WNK1: variants seen among roughly 807,000 people sequenced by gnomAD.
WNK1 encodes WNK lysine deficient protein kinase 1.
WNK1 carries 38 observed loss-of-function variants against 222.8 expected under a neutral mutation model. The ratio of observed to expected loss-of-function variants is 0.17; its 90% CI spans 0.13 to 0.22. The LOEUF (loss-of-function observed/expected upper bound fraction) is 0.22, where lower values mean the gene tolerates loss of function less well. Ranked by LOEUF, WNK1 falls within the 10% of genes least tolerant of loss-of-function variation. WNK1 has a pLI of 1.00. For synonymous variants in WNK1, 1,090 were observed against 1,092.9 expected (o/e 1.00, Z 0.05); for missense variants, 2,348 against 2,918.4 (o/e 0.80, Z 4.50).
At chr12:798,713 A>G (rs1259454304) in intron 1 of WNK1, among the ~76,000 whole-genome samples, 2 of 152,172 alleles carry the variant, frequency 1.3e-5, no homozygotes, top group African/African-American at 2.4e-5. Flanking sequence ...GTAAGAAAAT[A>G]TGCATGTATA....
At chr12:814,567 A>G (rs753061178) in intron 2 of WNK1, among the ~76,000 whole-genome samples, 3 of 152,192 alleles carry the variant, frequency 2.0e-5, no homozygotes, top group Admixed American at 6.5e-5. Context: ...TAGATCTATC[A>G]TTCCTTTCAC....
At chr12:830,188 A>G (rs1455164283) in intron 4 of WNK1, 28 bp downstream of exon 4, 1 of 1,613,016 alleles carries the variant, frequency 6.2e-7, no homozygotes, top group South Asian at 1.1e-5. Flanking sequence ...TGATTGTTGA[A>G]CTTGGGGCAT....
Position 887,266 on chromosome 12 carries a change from G to A in WNK1, c.5326G>A (p.Glu1776Lys), listed in dbSNP as rs551435012. The A allele has an allele frequency of 4.3e-5, 70 of 1,614,160 alleles. No homozygotes were observed. The highest frequency in any genetic ancestry group is 3.3e-4 in the Middle Eastern group (2 of 6,062). ...TELPAGTLPS[E>K]QLPPFPGPSL... ...ACTTCCAGCAGGTACTCTACCCAGCGAGCAGCTGCCACCTTTTCCAGGACC... is the reference window on the plus strand; with the variant it reads ...ACTTCCAGCAGGTACTCTACCCAGCAAGCAGCTGCCACCTTTTCCAGGACC... The change falls in exon 20 of 28, where the codon GAG (glutamate) becomes AAG (lysine). Residue 1776 changes from glutamate (E) to lysine (K), a missense_variant. Coordinates refer to ENST00000315939, the MANE Select transcript of WNK1 (RefSeq NM_018979.4).
intron 9 of WNK1, among the ~76,000 whole-genome samples, chr12:874,149 C>G (rs1324204992): frequency 6.6e-6 from 1 of 150,776 alleles, no homozygotes; most frequent in Non-Finnish European, 1.5e-5. Flanking sequence ...GAGCATGACT[C>G]ATCTCAAAAA....
At chr12:904,164 A>G (rs527682560) in intron 26 of WNK1, among the ~76,000 whole-genome samples, 25 of 152,354 alleles carry the variant, frequency 1.6e-4, no homozygotes, top group African/African-American at 5.8e-4. Context: ...TTCCTCGCCA[A>G]TTCCAGAACC....
chr12:843,114 T>G (rs1949755939), intron 4 of WNK1, among the ~76,000 whole-genome samples: 1 of 152,140 alleles, frequency 6.6e-6, no homozygotes, highest in Non-Finnish European at 1.5e-5. Context: ...TTTTGTATTT[T>G]TAGTTAAAAC....
intron 2 of WNK1, among the ~76,000 whole-genome samples, chr12:821,927 T>C (rs1015443141): frequency 6.6e-6 from 1 of 152,080 alleles, no homozygotes; most frequent in Admixed American, 6.6e-5. Flanking sequence ...CTTGGATCTA[T>C]AATGAGTCTC....
chr12:844,869 C>T (rs1949904638), intron 4 of WNK1, among the ~76,000 whole-genome samples: 1 of 149,194 alleles, frequency 6.7e-6, no homozygotes. Flanking sequence ...TTGAAATAGG[C>T]CTTGAAATAT....
At chr12:807,112 G>A (rs1368491196) in intron 1 of WNK1, among the ~76,000 whole-genome samples, 2 of 151,920 alleles carry the variant, frequency 1.3e-5, no homozygotes, top group East Asian at 3.9e-4. Flanking sequence ...GACCCTTGTG[G>A]CGGGGTGGGG....
intron 1 of WNK1, among the ~76,000 whole-genome samples, chr12:789,398 A>G (rs1944628438): frequency 6.6e-6 from 1 of 152,202 alleles, no homozygotes; most frequent in Non-Finnish European, 1.5e-5. Context: ...TTAGCATAGT[A>G]TGGTAGTATA....
chr12:876,395 C>T (rs984945007), intron 9 of WNK1, among the ~76,000 whole-genome samples: 4 of 151,750 alleles, frequency 2.6e-5, no homozygotes, highest in East Asian at 3.8e-4. Context: ...GGCAACGGAG[C>T]GAGACTCCGT....
chr12:817,643 A>T (rs1384379090), intron 2 of WNK1, among the ~76,000 whole-genome samples: 1 of 152,182 alleles, frequency 6.6e-6, no homozygotes, highest in African/African-American at 2.4e-5. Context: ...TATGAGTCAG[A>T]AAATTTGGAT....
chr12:762,179 C>T (rs1302472595), intron 1 of WNK1, among the ~76,000 whole-genome samples: 1 of 145,694 alleles, frequency 6.9e-6, no homozygotes, highest in African/African-American at 2.5e-5. Context: ...CATGCCTCAG[C>T]CTCCCGAGTA....
At chr12:797,747 A>G (rs953909421) in intron 1 of WNK1, among the ~76,000 whole-genome samples, 3 of 151,968 alleles carry the variant, frequency 2.0e-5, no homozygotes, top group African/African-American at 7.3e-5. Flanking sequence ...AGAGTTCGAG[A>G]CGAGCCTGGC....
intron 4 of WNK1, among the ~76,000 whole-genome samples, chr12:845,535 G>A (rs910272273): frequency 1.3e-5 from 2 of 152,182 alleles, no homozygotes; most frequent in Non-Finnish European, 2.9e-5. Context: ...CTTTTCAGGT[G>A]GAAGAAATAG....
intron 26 of WNK1, among the ~76,000 whole-genome samples, chr12:901,406 C>T (rs906289083): frequency 6.6e-6 from 1 of 152,208 alleles, no homozygotes; most frequent in African/African-American, 2.4e-5. Context: ...CCTAATATTT[C>T]ATCTCTTACA....
chr12:894,438 G>A, intron 22 of WNK1, 124 bp from the exon 23 acceptor site: 1 of 810,398 alleles, frequency 1.2e-6, no homozygotes, highest in Non-Finnish European at 2.1e-6. Flanking sequence ...AGATAAGGAA[G>A]TTCTCTTTGC....
chr12:772,761 G>T (rs898520358), intron 1 of WNK1, among the ~76,000 whole-genome samples: 2 of 152,074 alleles, frequency 1.3e-5, no homozygotes, highest in Non-Finnish European at 2.9e-5. Context: ...CTGAACAGAA[G>T]TTTAGAAGTC....
rs558793534 is a variant in WNK1, at chr12:883,980, A to G, written c.3722-141A>G. Reference sequence around the variant, plus strand: ...GAGGCGGAGGTTGCAGTGAGCTGAGATCGCGCCACTGCACTCCAGCCTGGG... The same window carrying G: ...GAGGCGGAGGTTGCAGTGAGCTGAGGTCGCGCCACTGCACTCCAGCCTGGG... On this transcript the variant is annotated intron_variant, in intron 17 of 27. Coordinates refer to ENST00000315939, the MANE Select transcript of WNK1 (RefSeq NM_018979.4). 2.2e-5 allele frequency: 33 copies of G among 1,481,344 alleles called. 1 individual carries two copies. The South Asian group carries it at 3.7e-4, about 17-fold the overall frequency. The allele number at this position is 1,481,344 out of a possible 1,614,324, so 91.8% of individuals were successfully genotyped here.
Sources: gnomAD v4.1 joint callset for allele counts (sites outside exome capture counted in the v4.1 genomes callset) on GRCh38, gnomAD v4.1.1 for gene constraint, MANE v1.5 for transcripts, NCBI Gene and HGNC (gene_info 2026-07-23, HGNC 2026-07-21) for gene names.